MED27: variants seen among roughly 807,000 people sequenced by gnomAD.
MED27 encodes mediator of RNA polymerase II transcription subunit 27.
A neutral mutation model predicts 38.2 loss-of-function variants in MED27; 30 were observed. That is an observed-to-expected ratio of 0.79 (90% CI 0.59 to 1.07). MED27 has a LOEUF of 1.07. MED27 is among the 50% of genes least tolerant of loss of function. The pLI, the probability that MED27 is intolerant of heterozygous loss-of-function variation, is 0.00. For synonymous variants in MED27, 122 were observed against 153.5 expected, an observed-to-expected ratio of 0.79 and a Z score of 1.52; for missense variants, 289 against 397.5, an observed-to-expected ratio of 0.73 and a Z score of 2.32.
rs113114351 is a variant in MED27, at chr9:131,964,791, G to A, written c.480-25317C>T. Among the ~76,000 whole-genome samples, 24 of 152,260 alleles carry A rather than the reference G, an allele frequency of 1.6e-4. 1 individual carries two copies. The highest frequency in any genetic ancestry group is 3.4e-3 in the Middle Eastern group (1 of 294). On this transcript the variant is annotated intron_variant, in intron 3 of 7. Coordinates refer to ENST00000292035, the MANE Select transcript of MED27 (RefSeq NM_004269.4). The stretch of plus-strand genomic sequence containing the variant: ...GGTCTGCTTTGATGAAGTCCTTTCC[G>A]ATACAAGGACATATTACCCATATTT...
In MED27 at chr9:132,003,353, T is replaced by A. The variant is rs1185994404; in HGVS notation, c.479+10984A>T. ...TATTACAGTTTTCTATTTTATGCAATTTCTCTTTGACTCAGTATCTACGGA... is the reference window on the plus strand; with the variant it reads ...TATTACAGTTTTCTATTTTATGCAAATTCTCTTTGACTCAGTATCTACGGA... On this transcript the variant is annotated intron_variant, in intron 3 of 7. Transcript: ENST00000292035. This position sits in a 1 kb window ranked among gnomAD's most constrained non-coding sequence, Gnocchi z 4.2. Among the ~76,000 whole-genome samples, 1 of 152,248 alleles carries A rather than the reference T, an allele frequency of 6.6e-6. No homozygotes were observed. The highest frequency in any genetic ancestry group is 6.5e-5 in the Admixed American group (1 of 15,290).
chr9:132,077,449 G>C lies in MED27; in HGVS notation c.341C>G (p.Ser114Ter), dbSNP rs1333683957. The change falls in exon 2 of 8, where the codon TCA (serine) becomes TGA (stop). Residue 114 changes from serine to a stop codon, truncating the protein, a stop_gained. Coordinates refer to ENST00000292035, the MANE Select transcript of MED27 (RefSeq NM_004269.4). LOFTEE classifies it high-confidence loss of function. ...TTATTACATCTCCCTTACCTTGTTTGACCACTTATATGCTTGAAGGAGTTG... is the reference window on the plus strand; with the variant it reads ...TTATTACATCTCCCTTACCTTGTTTCACCACTTATATGCTTGAAGGAGTTG... ...YSQLLQAYKWSNKLQYHAGLA... is the reference protein window; with the variant it reads ...YSQLLQAYKW The C allele has an allele frequency of 6.2e-7, 1 of 1,613,628 alleles. No individual in the cohort carries two copies. The highest frequency in any genetic ancestry group is 1.7e-5 in the Admixed American group (1 of 59,926).
intron 2 of MED27, among the ~76,000 whole-genome samples, chr9:132,071,692 G>A (rs1005517598): frequency 1.3e-4 from 20 of 151,400 alleles, no homozygotes; most frequent in African/African-American, 4.9e-4. Context: ...ACGTGTATAC[G>A]AGTAACACGC....
In MED27 at chr9:131,936,760, C is replaced by T. The variant is rs189299200; in HGVS notation, c.573+2621G>A. On this transcript the variant is annotated intron_variant, in intron 4 of 7. Coordinates refer to ENST00000292035, the MANE Select transcript of MED27 (RefSeq NM_004269.4). ...CACCTGGCACCATCAAACAGCAAAA[C>T]CAAAACCAACTCTTTCCTTATGTAA... Among the ~76,000 whole-genome samples, 18 of 152,306 alleles carry T rather than the reference C, an allele frequency of 1.2e-4. No individual in the cohort carries two copies. In the East Asian group the frequency reaches 1.4e-3, roughly 11 times the overall value.
At chr9:131,873,340 A>G (rs1323663076) in intron 6 of MED27, among the ~76,000 whole-genome samples, 6 of 152,222 alleles carry the variant, frequency 3.9e-5, no homozygotes. Context: ...AGCCATCATT[A>G]TTTCGAAACT....
At chr9:132,023,981 G>C (rs1358172312) in intron 2 of MED27, among the ~76,000 whole-genome samples, 1 of 152,136 alleles carries the variant, frequency 6.6e-6, no homozygotes, top group East Asian at 1.9e-4. Flanking sequence ...AGGACTACGA[G>C]GAGGCAACGG....
intron 4 of MED27, among the ~76,000 whole-genome samples, chr9:131,914,728 T>C (rs1308186747): frequency 1.2e-4 from 18 of 152,150 alleles, no homozygotes; most frequent in Admixed American, 1.2e-3. Flanking sequence ...ACTGCACAAG[T>C]GGCACTCTAG....
intron 4 of MED27, among the ~76,000 whole-genome samples, chr9:131,907,830 C>CA: frequency 6.6e-6 from 1 of 150,588 alleles, no homozygotes; most frequent in East Asian, 2.0e-4. Flanking sequence ...TCTGCCCGGC[C>CA]GCCCATCGTC....
chr9:132,006,277 G>A (rs1183150465), intron 3 of MED27, among the ~76,000 whole-genome samples: 1 of 152,148 alleles, frequency 6.6e-6, no homozygotes, highest in Non-Finnish European at 1.5e-5. Flanking sequence ...AAAGGAGACT[G>A]AGGAAACGCT....
intron 3 of MED27, among the ~76,000 whole-genome samples, chr9:131,966,708 G>A (rs945713460): frequency 6.6e-6 from 1 of 152,088 alleles, no homozygotes; most frequent in Admixed American, 6.5e-5. Flanking sequence ...GACTCCCGAC[G>A]CTTCAGTGCC....
intron 2 of MED27, among the ~76,000 whole-genome samples, chr9:132,038,375 G>A (rs1222723104): frequency 6.6e-6 from 1 of 151,348 alleles, no homozygotes; most frequent in African/African-American, 2.4e-5. Flanking sequence ...TGTATTTTTA[G>A]TAGAGACGGG....
At position 131,917,188 on chromosome 9, in the gene MED27, T is replaced by C. The variant is rs1589210863; in HGVS notation, c.573+22193A>G. ...GATTGGAGCCAGGAATGCTAAACCT[T>C]CTGCAATACGCTGGCCAGTTCCATA... On this transcript the variant is annotated intron_variant, in intron 4 of 7. Transcript: ENST00000292035. This position sits in a 1 kb window ranked among gnomAD's most constrained non-coding sequence, Gnocchi z 4.6. Among the ~76,000 whole-genome samples, 1 of 152,132 alleles carries C rather than the reference T, an allele frequency of 6.6e-6. No individual in the cohort carries two copies. The highest frequency in any genetic ancestry group is 1.9e-4 in the East Asian group (1 of 5,172).
chr9:132,003,580 C>T lies in MED27; in HGVS notation c.479+10757G>A, dbSNP rs887323705. ...GGGATGGGGTGGCAGGGCTCTGTCACCAACTCCTCTGCCTGCTCTTCTGGT... is the reference window on the plus strand; with the variant it reads ...GGGATGGGGTGGCAGGGCTCTGTCATCAACTCCTCTGCCTGCTCTTCTGGT... On this transcript the variant is annotated intron_variant, in intron 3 of 7. Transcript: ENST00000292035. The surrounding 1 kb of genome is among the most constrained non-coding windows in gnomAD (Gnocchi z 4.2). 6.6e-6 allele frequency among the ~76,000 whole-genome samples: 1 copy of T among 152,148 alleles called. No individual in the cohort carries two copies. The highest frequency in any genetic ancestry group is 1.5e-5 in the Non-Finnish European group (1 of 68,028).
At chr9:131,960,928 CG>C (rs1271858135) in intron 3 of MED27, among the ~76,000 whole-genome samples, 1 of 152,092 alleles carries the variant, frequency 6.6e-6, no homozygotes, top group Admixed American at 6.5e-5. Context: ...TTAGGCAAAA[CG>C]TAACAATGGG....
chr9:132,015,214 C>A (rs1832576229), intron 2 of MED27, among the ~76,000 whole-genome samples: 1 of 152,112 alleles, frequency 6.6e-6, no homozygotes, highest in South Asian at 2.1e-4. Flanking sequence ...ACAATGTATA[C>A]AAATGGATAT....
chr9:132,058,524 TC>T (rs1376560629), intron 2 of MED27, among the ~76,000 whole-genome samples: 1 of 152,204 alleles, frequency 6.6e-6, no homozygotes, highest in Non-Finnish European at 1.5e-5. Context: ...CACTTCTCTC[TC>T]CTGCCGCCAT....
intron 2 of MED27, among the ~76,000 whole-genome samples, chr9:132,053,114 G>A (rs1182389991): frequency 4.6e-5 from 7 of 152,106 alleles, no homozygotes; most frequent in African/African-American, 1.4e-4. Context: ...TTAGCCGGGC[G>A]TGGTTGCAGG....
At chr9:132,066,663 G>T (rs1006463165) in intron 2 of MED27, among the ~76,000 whole-genome samples, 2 of 152,152 alleles carry the variant, frequency 1.3e-5, no homozygotes, top group Non-Finnish European at 2.9e-5. Flanking sequence ...CCCAAAACAA[G>T]TAAGTGACTG....
intron 2 of MED27, among the ~76,000 whole-genome samples, chr9:132,024,477 G>A (rs1324125786): frequency 2.0e-5 from 3 of 152,108 alleles, no homozygotes; most frequent in Non-Finnish European, 4.4e-5. Context: ...AATAACACCA[G>A]GAATGACTGA....
Sources: allele counts gnomAD v4.1 joint callset (sites outside exome capture counted in the v4.1 genomes callset), GRCh38; gene constraint gnomAD v4.1.1; non-coding constraint Gnocchi (gnomAD v3.1); transcripts MANE v1.5; gene names NCBI Gene and HGNC (gene_info 2026-07-23, HGNC 2026-07-21).